MAGI2: variants seen among roughly 807,000 people sequenced by gnomAD.
The protein encoded by MAGI2 is membrane-associated guanylate kinase, WW and PDZ domain-containing protein 2.
In MAGI2, 35 loss-of-function variants were observed where a neutral mutation model predicts 133.3. The ratio of observed to expected loss-of-function variants is 0.26; its 90% CI spans 0.20 to 0.35. The LOEUF is 0.35. MAGI2 is among the 10% of genes least tolerant of loss of function. MAGI2 has a pLI of 1.00. For missense variants in MAGI2, 1,636 were observed against 1,863.4 expected (o/e 0.88, Z 2.25); for synonymous variants, 729 against 710.6 (o/e 1.03, Z -0.41).
intron 2 of MAGI2, among the ~76,000 whole-genome samples, chr7:78,971,610 ATAAATCCTGTTTTATGTGT>A (rs1308074305): frequency 6.6e-5 from 10 of 152,000 alleles, no homozygotes; most frequent in African/African-American, 2.4e-4. Flanking sequence ...AACCCTAACT[ATAAATCCTGTTTTATGTGT>A]TAAGTTTGGC....
chr7:78,614,356 A>G (rs896991086), intron 3 of MAGI2: 36 of 151,998 alleles, frequency 2.4e-4, no homozygotes, highest in African/African-American at 6.8e-4. Context: ...TCTAAAAAAA[A>G]TGGATAAACT....
intron 1 of MAGI2, among the ~76,000 whole-genome samples, chr7:79,039,029 A>G (rs1811371059): frequency 6.6e-6 from 1 of 152,162 alleles, no homozygotes; most frequent in Non-Finnish European, 1.5e-5. Flanking sequence ...CTGTGCCCCC[A>G]CCCACTCATC....
At chr7:78,571,274 T>C (rs987534658) in intron 3 of MAGI2, among the ~76,000 whole-genome samples, 44 of 152,282 alleles carry the variant, frequency 2.9e-4, no homozygotes, top group Non-Finnish European at 1.9e-4. Context: ...CTCATTCTTA[T>C]CATTAAGAAA....
In MAGI2 at chr7:79,078,957, T is replaced by C. The variant is rs1033961665; in HGVS notation, c.302-71751A>G. ...GCAGGAAGAAAATAATTAAAATACTTCCATTCTTTACTCAATCTTTCATAG... is the reference window on the plus strand; with the variant it reads ...GCAGGAAGAAAATAATTAAAATACTCCCATTCTTTACTCAATCTTTCATAG... On this transcript the variant is annotated intron_variant, in intron 1 of 21. Transcript: ENST00000354212. Among the ~76,000 whole-genome samples the C allele has an allele frequency of 5.9e-5, 9 of 152,114 alleles. No individual in the cohort carries two copies. The East Asian group carries it at 1.4e-3, about 23-fold the overall frequency.
chr7:78,674,571 C>T (rs984655843), intron 2 of MAGI2, among the ~76,000 whole-genome samples: 12 of 152,068 alleles, frequency 7.9e-5, no homozygotes, highest in African/African-American at 2.9e-4. Context: ...TTGTCTACCT[C>T]ATTTATTAAA....
At chr7:78,950,701 G>A (rs968182144) in intron 2 of MAGI2, among the ~76,000 whole-genome samples, 2 of 152,026 alleles carry the variant, frequency 1.3e-5, no homozygotes, top group Non-Finnish European at 2.9e-5. Flanking sequence ...AAAAGATAAG[G>A]ACTTGTTCAT....
At chr7:79,136,123 A>AAGAAAG (rs1433515332) in intron 1 of MAGI2, among the ~76,000 whole-genome samples, 1 of 147,182 alleles carries the variant, frequency 6.8e-6, no homozygotes, top group African/African-American at 2.5e-5. Flanking sequence ...GAAAGAAAGA[A>AAGAAAG]AGAAAGACAC....
chr7:78,076,567 C>T (rs1005860872), intron 21 of MAGI2, among the ~76,000 whole-genome samples: 4 of 151,632 alleles, frequency 2.6e-5, no homozygotes. Flanking sequence ...TGAAATAAGG[C>T]CGGGCGCGGT....
intron 6 of MAGI2, among the ~76,000 whole-genome samples, chr7:78,464,338 G>A (rs1790391227): frequency 6.6e-6 from 1 of 152,016 alleles, no homozygotes; most frequent in Non-Finnish European, 1.5e-5. Context: ...AAATCCAGTG[G>A]ACAATTTTTA....
chr7:78,320,055 C>A (rs1432253258), intron 9 of MAGI2, among the ~76,000 whole-genome samples: 1 of 152,174 alleles, frequency 6.6e-6, no homozygotes, highest in Non-Finnish European at 1.5e-5. Context: ...GACACATGCA[C>A]TCTCCCGAGT....
intron 1 of MAGI2, among the ~76,000 whole-genome samples, chr7:79,102,872 A>C (rs1337661392): frequency 6.6e-6 from 1 of 152,200 alleles, no homozygotes; most frequent in Non-Finnish European, 1.5e-5. Flanking sequence ...GATGTAATTA[A>C]AGTCTATAAT....
rs145954312 is a variant in MAGI2, at chr7:79,409,144, A to G, written c.301+43876T>C. On this transcript the variant is annotated intron_variant, in intron 1 of 21. Coordinates refer to ENST00000354212, the MANE Select transcript of MAGI2 (RefSeq NM_012301.4). ...AGGGGAAAAAATAAATTCATTAGAT[A>G]TACTAAGAGAAAAAATTAAAACAAT... is the stretch of plus-strand genomic sequence containing the variant. Among the ~76,000 whole-genome samples, 1,338 of 152,322 alleles carry G rather than the reference A, an allele frequency of 8.8e-3. 14 individuals are homozygous for G. Among genetic ancestry groups the G allele is most frequent in the African/African-American group, 0.031 (1,285 of 41,588 alleles).
chr7:79,005,269 A>C (rs993733033), intron 2 of MAGI2, among the ~76,000 whole-genome samples: 1 of 152,162 alleles, frequency 6.6e-6, no homozygotes, highest in Non-Finnish European at 1.5e-5. Context: ...ATGGCTGAAA[A>C]TTCAAAGAAT....
At chr7:79,299,554 C>CAAAAAGAAAA (rs1837218593) in intron 1 of MAGI2, among the ~76,000 whole-genome samples, 2 of 84,708 alleles carry the variant, frequency 2.4e-5, no homozygotes, top group Non-Finnish European at 4.2e-5. Flanking sequence ...GACTCCATCT[C>CAAAAAGAAAA]AAAAAAAAAA....
chr7:78,191,487 G>A (rs1828205664), intron 12 of MAGI2, among the ~76,000 whole-genome samples: 1 of 152,204 alleles, frequency 6.6e-6, no homozygotes, highest in Non-Finnish European at 1.5e-5. Context: ...TTCATTGTAA[G>A]CTTCTAATGA....
At chr7:79,401,610 A>G (rs577229349) in intron 1 of MAGI2, among the ~76,000 whole-genome samples, 3 of 152,352 alleles carry the variant, frequency 2.0e-5, no homozygotes, top group African/African-American at 7.2e-5. Context: ...GATACAAAGC[A>G]CAAATAATGA....
At chr7:78,787,996 T>C (rs1490085417) in intron 2 of MAGI2, among the ~76,000 whole-genome samples, 1 of 152,216 alleles carries the variant, frequency 6.6e-6, no homozygotes, top group Admixed American at 6.5e-5. Flanking sequence ...CATTCTCTGC[T>C]TCTTAATTTC....
chr7:79,158,432 G>C (rs558179448), intron 1 of MAGI2, among the ~76,000 whole-genome samples: 9 of 151,946 alleles, frequency 5.9e-5, no homozygotes, highest in Admixed American at 2.6e-4. Context: ...TAAATAATTG[G>C]CTTTAAAGTT....
At chr7:78,358,229 ATGGACAGAGAGAACTATC>A (rs1792366514) in intron 7 of MAGI2, 1 of 127,826 alleles carries the variant, frequency 7.8e-6, no homozygotes, top group Non-Finnish European at 1.6e-5. Context: ...ATATATATAT[ATGGACAGAGAGAACTATC>A]TATATCTAGC....
Sources: gnomAD v4.1 joint callset for allele counts (sites outside exome capture counted in the v4.1 genomes callset) on GRCh38, gnomAD v4.1.1 for gene constraint, MANE v1.5 for transcripts, NCBI Gene and HGNC (gene_info 2026-07-23, HGNC 2026-07-21) for gene names.